PRMT7: variants seen among roughly 807,000 people sequenced by gnomAD.
The protein encoded by PRMT7 is protein arginine methyltransferase 7, also known as protein arginine N-methyltransferase 7.
PRMT7 carries 75 observed loss-of-function variants against 85.4 expected under a neutral mutation model. The observed-to-expected ratio is 0.88, with a 90% CI of 0.73 to 1.06. The LOEUF is 1.06. Among genes scored for constraint, PRMT7 ranks in the 50% least tolerant of loss-of-function variants. The pLI is 0.00. For missense variants in PRMT7, 868 were observed against 915.2 expected (o/e 0.95, Z 0.67); for synonymous variants, 397 against 359.5 (o/e 1.10, Z -1.18).
At chr16:68,356,553 G>A (rs1245163932) in intron 17 of PRMT7, 148 bp from the exon 18 acceptor site, 13 of 649,272 alleles carry the variant, frequency 2.0e-5, no homozygotes, top group East Asian at 1.1e-4. Context: ...TCTGAGGAAC[G>A]TTTATGTAAC....
chr16:68,333,125 TG>T lies in PRMT7; in HGVS notation c.391+3954del, dbSNP rs1462550124. ...CTCCTGCCTCAGCCTCCTGAGTAGC[TG>T]GGACCACAGGCAGGCGCCACCATAC... On this transcript the variant is annotated intron_variant, in intron 6 of 18. Coordinates refer to ENST00000441236, the MANE Select transcript of PRMT7 (RefSeq NM_019023.5). 5.3e-5 allele frequency among the ~76,000 whole-genome samples: 8 copies of T among 152,100 alleles called. 1 individual carries two copies. The highest frequency in any genetic ancestry group is 1.9e-4 in the African/African-American group (8 of 41,416).
chr16:68,335,706 TC>T (rs1426876876), intron 6 of PRMT7, among the ~76,000 whole-genome samples: 1 of 151,172 alleles, frequency 6.6e-6, no homozygotes, highest in East Asian at 1.9e-4. Context: ...GGAAGTGAGA[TC>T]CAGGCCAGGC....
intron 9 of PRMT7, among the ~76,000 whole-genome samples, chr16:68,341,514 A>G (rs1445082778): frequency 6.6e-6 from 1 of 152,108 alleles, no homozygotes; most frequent in Non-Finnish European, 1.5e-5. Flanking sequence ...GGTTCAAGCA[A>G]TTCTCCTGCC....
In PRMT7 at chr16:68,355,901, TG is replaced by T; in HGVS notation, c.1811+24del. Reference sequence around the variant, plus strand: ...CTCAGAAGGTGGGTGCAGAGAGGGCTGGGGGGCAGGGAGGGGCTGCTGCTTG... The same window carrying T: ...CTCAGAAGGTGGGTGCAGAGAGGGCTGGGGGCAGGGAGGGGCTGCTGCTTG... On this transcript the variant is annotated intron_variant, in intron 17 of 18. Coordinates refer to ENST00000441236, the MANE Select transcript of PRMT7 (RefSeq NM_019023.5). 9.7e-6 allele frequency: 15 copies of T among 1,551,892 alleles called. No homozygotes were observed. The highest frequency in any genetic ancestry group is 1.2e-5 in the Non-Finnish European group (14 of 1,149,236).
chr16:68,315,973 G>A lies in PRMT7; in HGVS notation c.-7G>A. On this transcript the variant is annotated 5_prime_UTR_variant, in exon 3 of 19. Transcript: ENST00000441236. ...TCTGTGCTAAAACTGGGGAGCTAGTGGGCACCATGAAGATCTTCTGCAGTC... is the reference window on the plus strand; with the variant it reads ...TCTGTGCTAAAACTGGGGAGCTAGTAGGCACCATGAAGATCTTCTGCAGTC... The A allele has an allele frequency of 6.2e-7, 1 of 1,613,078 alleles. No individual in the cohort carries two copies. Among genetic ancestry groups the A allele is most frequent in the South Asian group, 1.1e-5 (1 of 90,770 alleles).
intron 15 of PRMT7, 169 bp from the exon 16 acceptor site, chr16:68,353,323 C>T: frequency 7.1e-7 from 1 of 1,411,870 alleles, no homozygotes; most frequent in Non-Finnish European, 9.3e-7. Flanking sequence ...CCCGCCCAGC[C>T]CAGTCTGTTA....
rs756076819 is a variant in PRMT7, at chr16:68,339,499, A to G, written c.682A>G (p.Ile228Val). The G allele has an allele frequency of 1.9e-6, 3 of 1,614,208 alleles. No individual in the cohort carries two copies. Among genetic ancestry groups the G allele is most frequent in the Non-Finnish European group, 2.5e-6 (3 of 1,180,046 alleles). The stretch of plus-strand genomic sequence containing the variant: ...CCCTGGCGCACCCTCTGTCTGTGAC[A>G]TTCAGCTGAACCAGGTGTCACCAGC... ...SCPGAPSVCDIQLNQVSPADF... is the reference protein window; with the variant it reads ...SCPGAPSVCDVQLNQVSPADF... Residue 228 changes from isoleucine (I) to valine (V), a missense_variant, in exon 8 of 19, where the codon ATT becomes GTT. Ile to Val is a conservative substitution (Grantham distance 29). Coordinates refer to ENST00000441236, the MANE Select transcript of PRMT7 (RefSeq NM_019023.5).
In PRMT7 at chr16:68,357,430, G is replaced by A. The variant is rs2088790553; in HGVS notation, c.*206G>A. The A allele has an allele frequency of 6.9e-6, 4 of 577,304 alleles. No individual in the cohort carries two copies. Among genetic ancestry groups the A allele is most frequent in the Non-Finnish European group, 1.2e-5 (4 of 341,862 alleles). The allele number at this position is 577,304 out of a possible 1,614,324, so 35.8% of individuals were successfully genotyped here. On this transcript the variant is annotated 3_prime_UTR_variant, in exon 19 of 19. Coordinates refer to ENST00000441236, the MANE Select transcript of PRMT7 (RefSeq NM_019023.5). ...TGGCAGGAAGCATGAGAGGGTGACT[G>A]AATTTGGAGCCCTGGAGGGGCTGGG...
In PRMT7 at chr16:68,312,091, C is replaced by T. The variant is rs2043841540; in HGVS notation, c.-169C>T. 6.6e-6 allele frequency: 1 copy of T among 151,918 alleles called. No homozygotes were observed. Among genetic ancestry groups the T allele is most frequent in the Non-Finnish European group, 1.5e-5 (1 of 67,974 alleles). 9.4% of individuals were successfully genotyped at this position (151,918 alleles called of 1,614,324 possible). A position where few individuals can be genotyped will look rare whatever the true frequency, so the allele number is the denominator to read the frequency against. On this transcript the variant is annotated 5_prime_UTR_variant, in exon 2 of 19. Coordinates refer to ENST00000441236, the MANE Select transcript of PRMT7 (RefSeq NM_019023.5). ...AGTGCAGTGGTGTGATCGAGGCGCA[C>T]TGCAGCCTTGACCTCCTGGGCTCAA...
Position 68,311,039 on chromosome 16 carries a change from C to A in PRMT7, c.-279C>A, listed in dbSNP as rs771083926. Reference sequence around the variant, plus strand: ...TCCTCGACGCTGCGAGGTCCCGCCCCGCGTGCTGGCCGCGGTAAAAGTGGT... The same window carrying A: ...TCCTCGACGCTGCGAGGTCCCGCCCAGCGTGCTGGCCGCGGTAAAAGTGGT... On this transcript the variant is annotated 5_prime_UTR_variant, in exon 1 of 19. Transcript: ENST00000441236. The A allele has an allele frequency of 1.0e-6, 1 of 997,432 alleles. No individual in the cohort carries two copies. The highest frequency in any genetic ancestry group is 1.4e-5 in the South Asian group (1 of 72,748). 61.8% of individuals were successfully genotyped at this position (997,432 alleles called of 1,614,324 possible).
intron 4 of PRMT7, among the ~76,000 whole-genome samples, chr16:68,323,026 C>A (rs67145589): frequency 6.6e-6 from 1 of 151,306 alleles, no homozygotes; most frequent in South Asian, 2.1e-4. Context: ...AGGGAGACTC[C>A]GTCTCAAAAA....
chr16:68,329,275 G>C (rs1204249883), intron 6 of PRMT7, 101 bp downstream of exon 6: 2 of 839,296 alleles, frequency 2.4e-6, no homozygotes, highest in East Asian at 2.7e-5. Context: ...TCATAGCATA[G>C]AAGTGGGACC....
At chr16:68,324,919 A>G in intron 5 of PRMT7, 87 bp downstream of exon 5, 2 of 1,544,996 alleles carry the variant, frequency 1.3e-6, no homozygotes, top group Admixed American at 1.8e-5. Context: ...TTCCTTCACA[A>G]ACATTCATGG....
Position 68,342,933 on chromosome 16 carries a change from C to T in PRMT7, c.928-2742C>T, listed in dbSNP as rs1296291519. Among the ~76,000 whole-genome samples, 4 of 152,116 alleles carry T rather than the reference C, an allele frequency of 2.6e-5. No homozygotes were observed. In the South Asian group the frequency reaches 6.2e-4, roughly 24 times the overall value. On this transcript the variant is annotated intron_variant, in intron 9 of 18. Coordinates refer to ENST00000441236, the MANE Select transcript of PRMT7 (RefSeq NM_019023.5). ...GCATTAAAATGTTAGTACTTTTGGCCGGTGGCTCACTCCTATAATCCCAGC... is the reference window on the plus strand; with the variant it reads ...GCATTAAAATGTTAGTACTTTTGGCTGGTGGCTCACTCCTATAATCCCAGC...
intron 6 of PRMT7, among the ~76,000 whole-genome samples, chr16:68,333,399 T>G (rs995445185): frequency 6.6e-6 from 1 of 151,376 alleles, no homozygotes; most frequent in Non-Finnish European, 1.5e-5. Context: ...GAGAATTGCT[T>G]GAACCTGGGA....
Position 68,352,277 on chromosome 16 carries a change from C to T in PRMT7, c.1443C>T (p.Phe481=), listed in dbSNP as rs1270980986. ...KVSLLLGEPF[F]TTSLLPWHNL... ...CTCTCCTCCTGGGCGAGCCGTTCTTCACTACCAGCCTGCTGCCGTGGCACA... is the reference window on the plus strand; with the variant it reads ...CTCTCCTCCTGGGCGAGCCGTTCTTTACTACCAGCCTGCTGCCGTGGCACA... The change falls in exon 15 of 19, where the codon TTC becomes TTT. Residue 481 remains phenylalanine (F), a synonymous_variant. Transcript: ENST00000441236. 3.1e-6 allele frequency: 5 copies of T among 1,613,806 alleles called. No homozygotes were observed. The highest frequency in any genetic ancestry group is 4.2e-6 in the Non-Finnish European group (5 of 1,180,030).
At chr16:68,315,806 C>T in intron 2 of PRMT7, 91 bp from the exon 3 acceptor site, 1 of 622,488 alleles carries the variant, frequency 1.6e-6, no homozygotes. Context: ...TCTCCCCTTC[C>T]CCCCTCCACA....
chr16:68,332,910 T>C (rs1434356527), intron 6 of PRMT7, among the ~76,000 whole-genome samples: 1 of 152,204 alleles, frequency 6.6e-6, no homozygotes. Flanking sequence ...TTGTTTCATA[T>C]ATTTTGCCCA....
chr16:68,311,206 C>T (rs2043592136), intron 1 of PRMT7, 107 bp downstream of exon 1: 4 of 553,352 alleles, frequency 7.2e-6, no homozygotes, highest in African/African-American at 1.9e-5. Flanking sequence ...TAGCGTGGGC[C>T]TACTTGGACT....
Sources: gnomAD v4.1 joint callset for allele counts (sites outside exome capture counted in the v4.1 genomes callset) on GRCh38, gnomAD v4.1.1 for gene constraint, MANE v1.5 for transcripts, NCBI Gene and HGNC (gene_info 2026-07-23, HGNC 2026-07-21) for gene names.